MAD2L1: variants seen among roughly 807,000 people sequenced by gnomAD.
MAD2L1 encodes the protein mitotic arrest deficient 2 like 1, also known as mitotic spindle assembly checkpoint protein MAD2A.
In MAD2L1, 10 loss-of-function variants were observed where a neutral mutation model predicts 25.9. The ratio of observed to expected loss-of-function variants is 0.39; its 90% CI spans 0.24 to 0.66. The LOEUF (loss-of-function observed/expected upper bound fraction) is 0.66. Among genes scored for constraint, MAD2L1 ranks in the 30% least tolerant of loss-of-function variants. MAD2L1 has a pLI of 0.49. For synonymous variants in MAD2L1, 81 were observed against 91.8 expected, an observed-to-expected ratio of 0.88 and a Z score of 0.67; for missense variants, 180 against 246.4, an observed-to-expected ratio of 0.73 and a Z score of 1.80.
At chr4:120,066,487 A>G (rs1307282230) in intron 1 of MAD2L1, among the ~76,000 whole-genome samples, 175 bp downstream of exon 1, 1 of 152,216 alleles carries the variant, frequency 6.6e-6, no homozygotes, top group Non-Finnish European at 1.5e-5. Flanking sequence ...CTACGCCGCG[A>G]GGTAGGCCCC....
At chr4:120,064,137 A>G (rs1446860604) in intron 2 of MAD2L1, among the ~76,000 whole-genome samples, 1 of 152,218 alleles carries the variant, frequency 6.6e-6, no homozygotes, top group African/African-American at 2.4e-5. Context: ...CCTAAAAACC[A>G]TTGGCTTAGG....
Position 120,056,552 on chromosome 4 carries a change from G to T in MAD2L1, c.*3566C>A, listed in dbSNP as rs887286992. The T allele has an allele frequency of 4.6e-5, 7 of 152,092 alleles. No homozygotes were observed. The highest frequency in any genetic ancestry group is 1.7e-4 in the African/African-American group (7 of 41,418). The allele number at this position is 152,092 out of a possible 1,614,324, so 9.4% of individuals were successfully genotyped here. On this transcript the variant is annotated 3_prime_UTR_variant, in exon 5 of 5. Transcript: ENST00000296509. ...CTAAATGAAAACAAGATGAAGAAATGGTCTATGAAGTTATCTACCTTATTG... is the reference window on the plus strand; with the variant it reads ...CTAAATGAAAACAAGATGAAGAAATTGTCTATGAAGTTATCTACCTTATTG...
intron 3 of MAD2L1, 64 bp from the exon 4 acceptor site, chr4:120,061,041 T>A (rs1455782368): frequency 1.1e-6 from 1 of 922,660 alleles, no homozygotes; most frequent in Non-Finnish European, 1.8e-6. Context: ...TCAAACATAG[T>A]GGTTAGATTA....
Position 120,060,982 on chromosome 4 carries a change from CA to C in MAD2L1, c.342-6del, listed in dbSNP as rs3836711. 6.3e-4 allele frequency: 959 copies of C among 1,515,514 alleles called. No homozygotes were observed. The highest frequency in any genetic ancestry group is 6.8e-4 in the Non-Finnish European group (751 of 1,102,054). 93.9% of individuals were successfully genotyped at this position (1,515,514 alleles called of 1,614,324 possible). A position where few individuals can be genotyped will look rare whatever the true frequency, so the allele number is the denominator to read the frequency against. On this transcript the variant is annotated splice_region_variant and splice_polypyrimidine_tract_variant and intron_variant, in intron 3 of 4. Transcript: ENST00000296509. ...TGAGACTTTTCTCTGGGTGCACTGTCAAAAAAAAATCAAATCAATTAATTCA... is the reference window on the plus strand; with the variant it reads ...TGAGACTTTTCTCTGGGTGCACTGTCAAAAAAAATCAAATCAATTAATTCA...
chr4:120,056,258 G>C lies in MAD2L1; in HGVS notation c.*3860C>G, dbSNP rs567056782. 1.7e-4 allele frequency: 26 copies of C among 152,242 alleles called. No individual in the cohort carries two copies. The highest frequency in any genetic ancestry group is 6.3e-4 in the African/African-American group (26 of 41,534). The allele number at this position is 152,242 out of a possible 1,614,324, so 9.4% of individuals were successfully genotyped here. ...GTTTTACTTGTGCACAAAAGCATGA[G>C]AATTAAATAAAAATTCATGTGAAGT... On this transcript the variant is annotated 3_prime_UTR_variant, in exon 5 of 5. Coordinates refer to ENST00000296509, the MANE Select transcript of MAD2L1 (RefSeq NM_002358.4).
At chr4:120,062,289 G>GT (rs1419876189) in intron 2 of MAD2L1, among the ~76,000 whole-genome samples, 194 bp from the exon 3 acceptor site, 1 of 152,184 alleles carries the variant, frequency 6.6e-6, no homozygotes, top group Non-Finnish European at 1.5e-5. Flanking sequence ...ATCAGGTACA[G>GT]TAATTGGTGC....
At chr4:120,066,540 G>C (rs1036135322) in intron 1 of MAD2L1, 122 bp downstream of exon 1, 39 of 835,056 alleles carry the variant, frequency 4.7e-5, no homozygotes, top group Middle Eastern at 2.4e-4. Context: ...AACGCGTCTG[G>C]AGGAAGCGCC....
At position 120,062,003 on chromosome 4, in the gene MAD2L1, C is replaced by G; in HGVS notation, c.313G>C (p.Glu105Gln). The G allele has an allele frequency of 6.2e-7, 1 of 1,612,732 alleles. No homozygotes were observed. The highest frequency in any genetic ancestry group is 8.5e-7 in the Non-Finnish European group (1 of 1,179,292). ...EVLERWQFDI[E>Q]CDKTAKDDSA... The stretch of plus-strand genomic sequence containing the variant: ...TCATCTTTTGCAGTCTTGTCACACT[C>G]AATATCAAACTGCCATCTTTCCAGG... The change falls in exon 3 of 5, where the codon GAG becomes CAG. Residue 105 changes from glutamate (E) to glutamine (Q), a missense_variant. Transcript: ENST00000296509.
rs770186875 is a variant in MAD2L1, at chr4:120,066,730, G to T, written c.5C>A (p.Ala2Glu). ...TCCCTGCTCCCGGGAGAGCTGCAGC[G>T]CCATGGCCAGGGACACAAACAAAAG... MALQLSREQGIT... is the reference protein window; with the variant it reads MELQLSREQGIT... Residue 2 changes from alanine (A) to glutamate (E), a missense_variant, in exon 1 of 5, where the codon GCG (alanine) becomes GAG (glutamate). Physicochemically the swap from Ala to Glu is moderately radical, Grantham distance 107 (BLOSUM62 -1). Transcript: ENST00000296509. The T allele has an allele frequency of 6.3e-7, 1 of 1,598,278 alleles. No individual in the cohort carries two copies. Among genetic ancestry groups the T allele is most frequent in the Non-Finnish European group, 8.6e-7 (1 of 1,168,880 alleles).
chr4:120,059,904 C>A lies in MAD2L1; in HGVS notation c.*214G>T. The A allele has an allele frequency of 2.5e-6, 1 of 398,426 alleles. No homozygotes were observed. Among genetic ancestry groups the A allele is most frequent in the Non-Finnish European group, 4.5e-6 (1 of 223,246 alleles). The allele number at this position is 398,426 out of a possible 1,614,324, so 24.7% of individuals were successfully genotyped here. On this transcript the variant is annotated 3_prime_UTR_variant, in exon 5 of 5. Transcript: ENST00000296509. The stretch of plus-strand genomic sequence containing the variant: ...AAAAAACCTCCTGGTTCCTTTTGAA[C>A]AATGTGCAATAAATTCATGATGTTA...
Position 120,066,703 on chromosome 4 carries a change from A to G in MAD2L1, c.32T>C (p.Ile11Thr). ...GATTTCGGCGCTCCCGCGCAGGGTG[A>G]TTCCCTGCTCCCGGGAGAGCTGCAG... MALQLSREQG[I>T]TLRGSAEIVA... Residue 11 changes from isoleucine (I) to threonine (T), a missense_variant, in exon 1 of 5, where the codon ATC becomes ACC. Ile to Thr is a moderately conservative substitution (Grantham distance 89). Coordinates refer to ENST00000296509, the MANE Select transcript of MAD2L1 (RefSeq NM_002358.4). 1.2e-6 allele frequency: 2 copies of G among 1,604,572 alleles called. No individual in the cohort carries two copies. Among genetic ancestry groups the G allele is most frequent in the Non-Finnish European group, 1.7e-6 (2 of 1,173,422 alleles).
rs1307162603 is a variant in MAD2L1, at chr4:120,057,294, T to A, written c.*2824A>T. 6.6e-6 allele frequency: 1 copy of A among 152,206 alleles called. No individual in the cohort carries two copies. The highest frequency in any genetic ancestry group is 1.9e-4 in the East Asian group (1 of 5,190). 9.4% of individuals were successfully genotyped at this position (152,206 alleles called of 1,614,324 possible). ...CTCGGTGCCATTCCCACCACCTCCA[T>A]GGGAGGAGTATACTTCCTGGTCCCA... On this transcript the variant is annotated 3_prime_UTR_variant, in exon 5 of 5. Coordinates refer to ENST00000296509, the MANE Select transcript of MAD2L1 (RefSeq NM_002358.4).
At chr4:120,063,414 C>T (rs1450501306) in intron 2 of MAD2L1, among the ~76,000 whole-genome samples, 1 of 152,214 alleles carries the variant, frequency 6.6e-6, no homozygotes, top group Non-Finnish European at 1.5e-5. Context: ...ACCAAGATCT[C>T]TGTTGCTTAT....
chr4:120,065,156 C>G (rs1473020822), intron 2 of MAD2L1, among the ~76,000 whole-genome samples: 4 of 152,130 alleles, frequency 2.6e-5, no homozygotes, highest in Non-Finnish European at 4.4e-5. Flanking sequence ...AATAGAAATA[C>G]GTGAAAAACA....
intron 1 of MAD2L1, among the ~76,000 whole-genome samples, chr4:120,066,167 T>C (rs1726312341): frequency 1.3e-5 from 2 of 152,074 alleles, no homozygotes; most frequent in Non-Finnish European, 2.9e-5. Flanking sequence ...ACTGACTGAA[T>C]AGTCACTGTG....
In MAD2L1 at chr4:120,057,254, A is replaced by C. The variant is rs1046066310; in HGVS notation, c.*2864T>G. 4.0e-5 allele frequency: 6 copies of C among 151,844 alleles called. No homozygotes were observed. Among genetic ancestry groups the C allele is most frequent in the African/African-American group, 1.5e-4 (6 of 41,302 alleles). 9.4% of individuals were successfully genotyped at this position (151,844 alleles called of 1,614,324 possible). A position where few individuals can be genotyped will look rare whatever the true frequency, so the allele number is the denominator to read the frequency against. On this transcript the variant is annotated 3_prime_UTR_variant, in exon 5 of 5. Coordinates refer to ENST00000296509, the MANE Select transcript of MAD2L1 (RefSeq NM_002358.4). ...TTGCCAACCTCTAGTCCATTAGATAACTGTCATCAAACTTCTCGGTGCCAT... is the reference window on the plus strand; with the variant it reads ...TTGCCAACCTCTAGTCCATTAGATACCTGTCATCAAACTTCTCGGTGCCAT...
intron 3 of MAD2L1, 37 bp from the exon 4 acceptor site, chr4:120,061,014 G>A: frequency 1.6e-6 from 2 of 1,232,434 alleles, no homozygotes; most frequent in Non-Finnish European, 2.4e-6. Flanking sequence ...ATTCATTTCA[G>A]GTCTTAACAA....
chr4:120,062,050 G>A lies in MAD2L1; in HGVS notation c.266C>T (p.Ser89Leu), dbSNP rs1369341581. Residue 89 changes from serine to leucine, a missense_variant, in exon 3 of 5, where the codon TCA becomes TTA. Coordinates refer to ENST00000296509, the MANE Select transcript of MAD2L1 (RefSeq NM_002358.4). ...CSVQKLVVVISNIESGEVLER... is the reference protein window; with the variant it reads ...CSVQKLVVVILNIESGEVLER... ...CAGGACCTCACCACTTTCAATATTT[G>A]AGATAACTACAACCAGTTTCTGAAC... The A allele has an allele frequency of 6.2e-7, 1 of 1,612,408 alleles. No individual in the cohort carries two copies. Among genetic ancestry groups the A allele is most frequent in the African/African-American group, 1.3e-5 (1 of 74,834 alleles).
At chr4:120,060,411 C>T (rs1466356209) in intron 4 of MAD2L1, 121 bp from the exon 5 acceptor site, 1 of 648,922 alleles carries the variant, frequency 1.5e-6, no homozygotes, top group Admixed American at 3.3e-5. Flanking sequence ...GGTCTCCAAT[C>T]ACTAGTTAAT....
Sources: gnomAD v4.1 joint callset for allele counts (sites outside exome capture counted in the v4.1 genomes callset) on GRCh38, gnomAD v4.1.1 for gene constraint, MANE v1.5 for transcripts, NCBI Gene and HGNC (gene_info 2026-07-23, HGNC 2026-07-21) for gene names.